The following NTNG1 variants were observed in gnomAD, a reference collection of about 807,000 sequenced individuals.
NTNG1 encodes the protein netrin-G1.
A neutral mutation model predicts 54.0 loss-of-function variants in NTNG1; 16 were observed. The ratio of observed to expected loss-of-function variants is 0.30; its 90% CI spans 0.20 to 0.45. The LOEUF is 0.45. NTNG1 is among the 20% of genes least tolerant of loss of function. The pLI is 1.00. For missense variants in NTNG1, 530 were observed against 678.7 expected (o/e 0.78, Z 2.43); for synonymous variants, 255 against 263.1 (o/e 0.97, Z 0.30).
chr1:107,447,087 T>C (rs1676351605), intron 7 of NTNG1, among the ~76,000 whole-genome samples: 1 of 151,964 alleles, frequency 6.6e-6, no homozygotes, highest in African/African-American at 2.4e-5. Context: ...GATATTTTTT[T>C]CTAAACTACA....
chr1:107,377,786 G>A (rs922348541), intron 3 of NTNG1, among the ~76,000 whole-genome samples: 5 of 152,232 alleles, frequency 3.3e-5, no homozygotes, highest in Admixed American at 6.5e-5. Flanking sequence ...CTCCCTAGAC[G>A]TGTGGATGTG....
intron 3 of NTNG1, among the ~76,000 whole-genome samples, chr1:107,356,628 G>T (rs933951059): frequency 1.3e-5 from 2 of 151,832 alleles, no homozygotes; most frequent in Admixed American, 6.6e-5. Flanking sequence ...TTATAAGAAT[G>T]ATTTTTTTTT....
At chr1:107,154,850 A>G (rs1654860083) in intron 2 of NTNG1, among the ~76,000 whole-genome samples, 1 of 152,040 alleles carries the variant, frequency 6.6e-6, no homozygotes. Context: ...TGTTGAGTAA[A>G]ACAAATGTGG....
intron 3 of NTNG1, among the ~76,000 whole-genome samples, chr1:107,329,172 C>G (rs947480669): frequency 1.3e-5 from 2 of 152,094 alleles, no homozygotes; most frequent in East Asian, 3.9e-4. Context: ...AATATTAGCA[C>G]AGAAGTTTCA....
intron 2 of NTNG1, among the ~76,000 whole-genome samples, chr1:107,273,482 G>A (rs148109561): frequency 1.3e-5 from 2 of 152,332 alleles, no homozygotes; most frequent in East Asian, 1.9e-4. Flanking sequence ...GTTATTTGTA[G>A]GGAAGGGGTT....
At position 107,317,822 on chromosome 1, in the gene NTNG1, G is replaced by T. The variant is rs191347463; in HGVS notation, c.247-6460G>T. On this transcript the variant is annotated intron_variant, in intron 2 of 7. Coordinates refer to ENST00000370068, the MANE Select transcript of NTNG1 (RefSeq NM_001113226.3). Reference sequence around the variant, plus strand: ...GCAACTTCAATCAGGCCCTAAGCTGGTGTCTATGCCAGCGGGGAATCTCTG... The same window carrying T: ...GCAACTTCAATCAGGCCCTAAGCTGTTGTCTATGCCAGCGGGGAATCTCTG... Among the ~76,000 whole-genome samples the T allele has an allele frequency of 1.9e-3, 282 of 152,320 alleles. 1 individual carries two copies. Among genetic ancestry groups the T allele is most frequent in the African/African-American group, 6.1e-3 (255 of 41,578 alleles).
chr1:107,194,501 C>G (rs1001782080), intron 2 of NTNG1, among the ~76,000 whole-genome samples: 1 of 152,030 alleles, frequency 6.6e-6, no homozygotes, highest in Non-Finnish European at 1.5e-5. Context: ...CTCCCTTTCT[C>G]TCATATATTT....
chr1:107,215,939 T>A (rs1659925411), intron 2 of NTNG1, among the ~76,000 whole-genome samples: 1 of 152,188 alleles, frequency 6.6e-6, no homozygotes, highest in Non-Finnish European at 1.5e-5. Flanking sequence ...TTGATTTGAT[T>A]CTCAGCTTGG....
rs182329682 is a variant in NTNG1, at chr1:107,452,033, G to C, written c.1390+15234G>C. 3.3e-5 allele frequency among the ~76,000 whole-genome samples: 5 copies of C among 152,182 alleles called. No individual in the cohort carries two copies. In the East Asian group the frequency reaches 9.7e-4, roughly 29 times the overall value. ...TGCCACTTACTAAGTGTGTCTTGTT[G>C]AAAAAATTATATAACTTCTCTGACC... On this transcript the variant is annotated intron_variant, in intron 7 of 7. Coordinates refer to ENST00000370068, the MANE Select transcript of NTNG1 (RefSeq NM_001113226.3).
At chr1:107,231,070 G>A (rs980611343) in intron 2 of NTNG1, among the ~76,000 whole-genome samples, 6 of 152,278 alleles carry the variant, frequency 3.9e-5, no homozygotes, top group Admixed American at 2.0e-4. Context: ...GTATGATGAA[G>A]TACTTGACTG....
At chr1:107,362,803 G>A (rs991438774) in intron 3 of NTNG1, among the ~76,000 whole-genome samples, 10 of 152,086 alleles carry the variant, frequency 6.6e-5, no homozygotes, top group African/African-American at 2.2e-4. Flanking sequence ...AATAGAATAA[G>A]GGCAGATGAA....
intron 7 of NTNG1, among the ~76,000 whole-genome samples, chr1:107,456,394 T>A (rs1396780386): frequency 1.3e-5 from 2 of 152,174 alleles, no homozygotes; most frequent in African/African-American, 2.4e-5. Flanking sequence ...GAGTGGGATT[T>A]GTACACAGCA....
rs17019099 is a variant in NTNG1, at chr1:107,456,309, G to A, written c.1390+19510G>A. 6.0e-3 allele frequency among the ~76,000 whole-genome samples: 919 copies of A among 152,292 alleles called. 16 individuals carry two copies. Among genetic ancestry groups the A allele is most frequent in the African/African-American group, 0.021 (885 of 41,570 alleles). On this transcript the variant is annotated intron_variant, in intron 7 of 7. Transcript: ENST00000370068. ...CAAAGGCTCACTTGGCTGTGAGCTA[G>A]CTGGGTTTAACAAAATGAAGGCCCT...
At chr1:107,196,402 G>C (rs370924382) in intron 2 of NTNG1, among the ~76,000 whole-genome samples, 2 of 151,924 alleles carry the variant, frequency 1.3e-5, no homozygotes, top group East Asian at 1.9e-4. Context: ...AAACTACTTG[G>C]CACAGTGCCT....
At position 107,384,457 on chromosome 1, in the gene NTNG1, G is replaced by C. The variant is rs1308647331; in HGVS notation, c.888-10697G>C. 3.3e-5 allele frequency among the ~76,000 whole-genome samples: 5 copies of C among 152,144 alleles called. No homozygotes were observed. In the South Asian group the frequency reaches 1.0e-3, roughly 32 times the overall value. On this transcript the variant is annotated intron_variant, in intron 3 of 7. Transcript: ENST00000370068. Reference sequence around the variant, plus strand: ...TTGCTCTCTCTCTCTCTATATATATGACCACAGCATCCCACTGTCCATGAA... The same window carrying C: ...TTGCTCTCTCTCTCTCTATATATATCACCACAGCATCCCACTGTCCATGAA...
At chr1:107,392,303 A>G (rs1321362256) in intron 3 of NTNG1, among the ~76,000 whole-genome samples, 2 of 151,992 alleles carry the variant, frequency 1.3e-5, no homozygotes, top group Non-Finnish European at 2.9e-5. Flanking sequence ...TCCTTTAAAT[A>G]TATTTATTTG....
chr1:107,224,910 C>G (rs1386190545), intron 2 of NTNG1, among the ~76,000 whole-genome samples: 1 of 152,138 alleles, frequency 6.6e-6, no homozygotes, highest in African/African-American at 2.4e-5. Flanking sequence ...CTCTAAATCT[C>G]TAAGGCTCAG....
chr1:107,379,213 C>T (rs1671494032), intron 3 of NTNG1, among the ~76,000 whole-genome samples: 1 of 152,160 alleles, frequency 6.6e-6, no homozygotes, highest in South Asian at 2.1e-4. Context: ...GAAGGGAAAC[C>T]TCAAGGTCTG....
intron 2 of NTNG1, among the ~76,000 whole-genome samples, chr1:107,177,319 T>G (rs1277957731): frequency 2.0e-5 from 3 of 151,874 alleles, no homozygotes; most frequent in African/African-American, 7.3e-5. Flanking sequence ...CTCCCCACTC[T>G]CATGTCTAAG....
Sources: allele counts gnomAD v4.1 joint callset (sites outside exome capture counted in the v4.1 genomes callset), GRCh38; gene constraint gnomAD v4.1.1; transcripts MANE v1.5; gene names NCBI Gene and HGNC (gene_info 2026-07-23, HGNC 2026-07-21).